Variants in SGMS1 observed in about 807,000 individuals in gnomAD.
SGMS1 encodes the protein phosphatidylcholine:ceramide cholinephosphotransferase 1.
Under a neutral mutation model 46.2 loss-of-function variants are expected in SGMS1, and 13 were observed. The observed-to-expected ratio is 0.28, with a 90% CI of 0.18 to 0.45. SGMS1 has a LOEUF of 0.45. SGMS1 is among the 20% of genes least tolerant of loss of function. The pLI is 1.00. For synonymous variants in SGMS1, 203 were observed against 187.8 expected (o/e 1.08, Z -0.66); for missense variants, 324 against 519.9 (o/e 0.62, Z 3.66).
chr10:50,328,815 A>G (rs1847569764), intron 7 of SGMS1, among the ~76,000 whole-genome samples: 1 of 152,236 alleles, frequency 6.6e-6, no homozygotes, highest in South Asian at 2.1e-4. Context: ...ACAAAGCACA[A>G]TTAAATAATA....
intron 2 of SGMS1, among the ~76,000 whole-genome samples, chr10:50,530,473 T>G (rs553741207): frequency 6.6e-6 from 1 of 152,288 alleles, no homozygotes; most frequent in African/African-American, 2.4e-5. Context: ...TCCACCGAAG[T>G]ACTGAGAAGC....
Position 50,343,854 on chromosome 10 carries a change from A to G in SGMS1, c.261T>C (p.Ile87=). 6.2e-7 allele frequency: 1 copy of G among 1,614,076 alleles called. No individual in the cohort carries two copies. Among genetic ancestry groups the G allele is most frequent in the South Asian group, 1.1e-5 (1 of 91,078 alleles). Residue 87 remains isoleucine (I), a synonymous_variant, in exon 7 of 11, where the codon ATT becomes ATC. Transcript: ENST00000361781. ...KNGHANGHLN[I]GVDIPTPDGS... ...CGTCGGGGGTGGGGATGTCTACGCC[A>G]ATGTTGAGGTGCCCATTGGCATGGC...
intron 1 of SGMS1, among the ~76,000 whole-genome samples, chr10:50,607,155 T>C (rs1364847922): frequency 2.6e-5 from 4 of 151,306 alleles, no homozygotes; most frequent in African/African-American, 4.9e-5. Context: ...ATTTTTTTTT[T>C]TTTTTTTGGT....
intron 1 of SGMS1, among the ~76,000 whole-genome samples, chr10:50,600,086 C>T (rs1209768895): frequency 6.6e-6 from 1 of 152,198 alleles, no homozygotes; most frequent in East Asian, 1.9e-4. Context: ...ACTCTGAGCA[C>T]TTAACCAGAA....
At chr10:50,588,657 A>G (rs74616364) in intron 2 of SGMS1, among the ~76,000 whole-genome samples, 23 of 151,706 alleles carry the variant, frequency 1.5e-4, no homozygotes, top group Admixed American at 1.2e-3. Context: ...ACATTCTCCT[A>G]TAAGTTTAGG....
intron 5 of SGMS1, among the ~76,000 whole-genome samples, chr10:50,448,757 A>AAAAAAAAAAAAAAAAAAAAAAT (rs1564916664): frequency 1.4e-5 from 2 of 140,662 alleles, no homozygotes; most frequent in African/African-American, 2.6e-5. Flanking sequence ...AAAAAAAAAA[A>AAAAAAAAAAAAAAAAAAAAAAT]AAAAGAATGA....
intron 1 of SGMS1, among the ~76,000 whole-genome samples, chr10:50,592,659 C>T (rs1159377774): frequency 1.3e-5 from 2 of 152,174 alleles, no homozygotes; most frequent in East Asian, 3.9e-4. Flanking sequence ...GCCTTTCCCG[C>T]CCACTCCCCT....
At chr10:50,398,433 T>A (rs929943706) in intron 6 of SGMS1, among the ~76,000 whole-genome samples, 4 of 152,206 alleles carry the variant, frequency 2.6e-5, no homozygotes, top group Non-Finnish European at 4.4e-5. Flanking sequence ...AATAATATTT[T>A]AAAAATTATT....
At chr10:50,550,108 C>T (rs1838135922) in intron 2 of SGMS1, among the ~76,000 whole-genome samples, 1 of 152,170 alleles carries the variant, frequency 6.6e-6, no homozygotes, top group Non-Finnish European at 1.5e-5. Flanking sequence ...TTTAAGTCCA[C>T]CTTTCAGTCT....
intron 2 of SGMS1, among the ~76,000 whole-genome samples, chr10:50,584,943 A>G (rs922388502): frequency 2.0e-5 from 3 of 152,216 alleles, no homozygotes; most frequent in African/African-American, 7.2e-5. Context: ...TGGTCTGAGG[A>G]CAGTGTAGGG....
intron 2 of SGMS1, among the ~76,000 whole-genome samples, chr10:50,530,111 C>A (rs1332326575): frequency 6.6e-6 from 1 of 152,130 alleles, no homozygotes; most frequent in Non-Finnish European, 1.5e-5. Flanking sequence ...AAGAAGTTTC[C>A]ACAAACTAAT....
chr10:50,614,181 T>G (rs1588893307), intron 1 of SGMS1, among the ~76,000 whole-genome samples: 1 of 151,686 alleles, frequency 6.6e-6, no homozygotes, highest in Non-Finnish European at 1.5e-5. Flanking sequence ...CTTCCTAAGA[T>G]GGGATGTAAT....
At chr10:50,413,878 T>C (rs1392893112) in intron 6 of SGMS1, among the ~76,000 whole-genome samples, 1 of 152,214 alleles carries the variant, frequency 6.6e-6, no homozygotes, top group Admixed American at 6.5e-5. Context: ...AAAGCACTTA[T>C]TAAACTGGAC....
intron 2 of SGMS1, among the ~76,000 whole-genome samples, chr10:50,557,406 A>T (rs1838197440): frequency 6.6e-6 from 1 of 152,218 alleles, no homozygotes; most frequent in Non-Finnish European, 1.5e-5. Flanking sequence ...TGCTTTTAAA[A>T]GAAATTAGTA....
chr10:50,360,002 C>T (rs1405221269), intron 6 of SGMS1, among the ~76,000 whole-genome samples: 2 of 152,084 alleles, frequency 1.3e-5, no homozygotes, highest in East Asian at 3.9e-4. Context: ...ATATTACTTG[C>T]ATTTAGAAGG....
chr10:50,393,471 C>T (rs1368738973), intron 6 of SGMS1, among the ~76,000 whole-genome samples: 1 of 152,152 alleles, frequency 6.6e-6, no homozygotes, highest in Non-Finnish European at 1.5e-5. Context: ...CCTGCTAAAG[C>T]TTTACTCTGT....
intron 6 of SGMS1, 38 bp from the exon 7 acceptor site, chr10:50,344,383 C>A: frequency 2.5e-6 from 1 of 407,314 alleles, no homozygotes; most frequent in Non-Finnish European, 4.4e-6. Context: ...TGCTGTACTT[C>A]CAAATTACCC....
intron 3 of SGMS1, among the ~76,000 whole-genome samples, chr10:50,486,743 C>T (rs529679002): frequency 4.7e-4 from 71 of 152,316 alleles, no homozygotes; most frequent in African/African-American, 1.6e-3. Context: ...TTGTGGAAGA[C>T]AATGTGGTGA....
intron 5 of SGMS1, among the ~76,000 whole-genome samples, chr10:50,456,573 A>C (rs1053133756): frequency 1.4e-4 from 21 of 152,158 alleles, no homozygotes; most frequent in Admixed American, 6.5e-5. Flanking sequence ...TTTAATACCT[A>C]GGAGCACAGA....
Sources: allele counts gnomAD v4.1 joint callset (sites outside exome capture counted in the v4.1 genomes callset), GRCh38; gene constraint gnomAD v4.1.1; transcripts MANE v1.5; gene names NCBI Gene and HGNC (gene_info 2026-07-23, HGNC 2026-07-21).